The following SYTL5 variants were observed in gnomAD, a reference collection of about 807,000 sequenced individuals.
SYTL5 encodes the protein synaptotagmin like 5, also known as synaptotagmin-like protein 5.
Under a neutral mutation model 55.9 loss-of-function variants are expected in SYTL5, and 34 were observed. The ratio of observed to expected loss-of-function variants is 0.61; its 90% confidence interval spans 0.46 to 0.81. The LOEUF (loss-of-function observed/expected upper bound fraction) is 0.81. Ranked by LOEUF, SYTL5 falls within the 30% of genes least tolerant of loss-of-function variation. The pLI is 0.00. For synonymous variants in SYTL5, 221 were observed against 188.7 expected (o/e 1.17, Z -1.40); for missense variants, 637 against 546.7 (o/e 1.17, Z -1.65).
At chrX:37,918,645 G>C in the SYTL5 span, among the ~76,000 whole-genome samples, 6 of 111,805 alleles carry the variant, frequency 5.4e-5, no homozygotes, top group Admixed American at 5.7e-4. Context: ...GGCAGAGAAC[G>C]TGGTTTGGAT....
At chrX:38,059,853 G>A (rs991520179) in intron 3 of SYTL5, among the ~76,000 whole-genome samples, 2 of 111,079 alleles carry the variant, frequency 1.8e-5, no homozygotes, top group Non-Finnish European at 3.8e-5. Context: ...GAGGATTTAT[G>A]GGGGAATTTC....
chrX:37,894,063 T>A, the SYTL5 span, among the ~76,000 whole-genome samples: 1 of 110,676 alleles, frequency 9.0e-6, no homozygotes, highest in Non-Finnish European at 1.9e-5. Context: ...CTTTTGTGCC[T>A]AGTCTTCTCT....
rs1362477995 is a variant in SYTL5 at position 38,033,651 on chromosome X, A to G, written c.-239A>G. The G allele has an allele frequency of 3.5e-5, 7 of 202,139 alleles. No homozygotes were observed. Among genetic ancestry groups the G allele is most frequent in the Non-Finnish European group, 6.3e-5 (7 of 110,302 alleles). The allele number at this position is 202,139 out of a possible 1,213,427, so 16.7% of individuals were successfully genotyped here. ...ATACCACAGCAAAGGCTTTGGAAAC[A>G]TTTTTCAGTTAAAACAATAATGACT... On this transcript the variant is annotated 5_prime_UTR_variant, in exon 2 of 17. Transcript: ENST00000297875.
the SYTL5 span, among the ~76,000 whole-genome samples, chrX:37,955,490 G>A: frequency 8.9e-6 from 1 of 111,921 alleles, no homozygotes; most frequent in Non-Finnish European, 1.9e-5. Flanking sequence ...GGAATTATCT[G>A]CCAACATCGT....
At chrX:38,002,395 TG>T (rs1387544260), upstream of SYTL5, among the ~76,000 whole-genome samples, 1 of 111,884 alleles carries the variant, frequency 8.9e-6, no homozygotes, top group Non-Finnish European at 1.9e-5. Flanking sequence ...ATGGGATGGC[TG>T]GGTCAAATGG....
At chrX:37,947,228 A>G in the SYTL5 span, among the ~76,000 whole-genome samples, 45,576 of 110,504 alleles carry the variant, frequency 0.41, 6,830 homozygotes, top group East Asian at 0.6. Context: ...CCTGTGCATC[A>G]TAAGACATTT....
intron 6 of SYTL5, among the ~76,000 whole-genome samples, chrX:38,082,348 T>C (rs5917530): frequency 0.13 from 14,690 of 111,826 alleles, 802 homozygotes; most frequent in Middle Eastern, 0.16. Flanking sequence ...ATGTGACATG[T>C]TACCACTCTC....
intron 1 of SYTL5, among the ~76,000 whole-genome samples, chrX:38,012,035 C>A (rs1451152227): frequency 8.9e-6 from 1 of 112,025 alleles, no homozygotes; most frequent in Non-Finnish European, 1.9e-5. Flanking sequence ...GGCCCAGTGC[C>A]ATTTGTAACT....
At chrX:37,920,287 G>A in the SYTL5 span, among the ~76,000 whole-genome samples, 6 of 110,688 alleles carry the variant, frequency 5.4e-5, no homozygotes, top group Admixed American at 4.8e-4. Flanking sequence ...TATTTGGGAC[G>A]AGGTCTGAAA....
chrX:38,086,134 G>A (rs1233407442), intron 6 of SYTL5, among the ~76,000 whole-genome samples: 1 of 111,577 alleles, frequency 9.0e-6, no homozygotes, highest in Non-Finnish European at 1.9e-5. Flanking sequence ...CCTCCACCTG[G>A]AAACCTTCAT....
At chrX:38,002,563 G>GGT (rs1933883612), upstream of SYTL5, among the ~76,000 whole-genome samples, 1 of 111,930 alleles carries the variant, frequency 8.9e-6, no homozygotes, top group East Asian at 2.8e-4. Context: ...CATTCTAACT[G>GGT]GTGTGAGATG....
At chrX:38,107,699 C>A (rs1937253464) in intron 11 of SYTL5, among the ~76,000 whole-genome samples, 1 of 111,440 alleles carries the variant, frequency 9.0e-6, no homozygotes, top group South Asian at 3.8e-4. Flanking sequence ...CTCTTTTCTG[C>A]ACAATAGATG....
At chrX:37,937,542 C>T in the SYTL5 span, among the ~76,000 whole-genome samples, 1 of 111,751 alleles carries the variant, frequency 8.9e-6, no homozygotes, top group South Asian at 3.8e-4. Context: ...GAAGCAGATT[C>T]TCCCCCAAAG....
At chrX:37,944,021 A>T in the SYTL5 span, among the ~76,000 whole-genome samples, 1 of 110,573 alleles carries the variant, frequency 9.0e-6, no homozygotes, top group Non-Finnish European at 1.9e-5. Flanking sequence ...GCTTTTCTGG[A>T]GCTTTTTATC....
chrX:38,078,288 T>C (rs1936440238), intron 6 of SYTL5, among the ~76,000 whole-genome samples: 1 of 105,112 alleles, frequency 9.5e-6, no homozygotes, highest in Admixed American at 1.0e-4. Flanking sequence ...TGAGATGGAG[T>C]CTCGCTCTGT....
intron 13 of SYTL5, among the ~76,000 whole-genome samples, chrX:38,117,283 T>C (rs1197878822): frequency 8.9e-6 from 1 of 112,135 alleles, no homozygotes; most frequent in African/African-American, 3.2e-5. Context: ...TTCATCATTA[T>C]TGTGTTTTCC....
chrX:37,897,543 C>T, the SYTL5 span, among the ~76,000 whole-genome samples: 3 of 110,013 alleles, frequency 2.7e-5, no homozygotes, highest in African/African-American at 9.9e-5. Context: ...ATACATGTCT[C>T]ATGTGAGAGT....
chrX:38,031,502 T>C (rs1279946568), intron 1 of SYTL5, among the ~76,000 whole-genome samples: 1 of 112,054 alleles, frequency 8.9e-6, no homozygotes, highest in Non-Finnish European at 1.9e-5. Context: ...GGGATAGCTA[T>C]AAGCTTCAGG....
intron 4 of SYTL5, among the ~76,000 whole-genome samples, chrX:38,072,611 C>T (rs1936297002): frequency 8.9e-6 from 1 of 111,744 alleles, no homozygotes; most frequent in African/African-American, 3.3e-5. Flanking sequence ...TACCTTGTCT[C>T]CCTCCCTCAA....
Sources: gnomAD v4.1 joint callset for allele counts (sites outside exome capture counted in the v4.1 genomes callset) on GRCh38, gnomAD v4.1.1 for gene constraint, MANE v1.5 for transcripts, NCBI Gene and HGNC (gene_info 2026-07-23, HGNC 2026-07-21) for gene names.